The following RNF182 variants were observed in gnomAD, a reference collection of about 807,000 sequenced individuals.
The protein encoded by RNF182 is E3 ubiquitin-protein ligase RNF182.
A neutral mutation model predicts 14.4 loss-of-function variants in RNF182; 15 were observed. The observed-to-expected ratio is 1.04, with a 90% CI of 0.70 to 1.60. RNF182 has a LOEUF of 1.60. RNF182 is among the 40% of genes most tolerant of loss of function. The pLI is 0.00. For synonymous variants in RNF182, 128 were observed against 122.9 expected (o/e 1.04, Z -0.27); for missense variants, 268 against 294.8 (o/e 0.91, Z 0.67).
chr6:13,927,950 T>A lies in RNF182; in HGVS notation c.-367+2927T>A, dbSNP rs368953143. 3.3e-5 allele frequency among the ~76,000 whole-genome samples: 5 copies of A among 152,332 alleles called. No homozygotes were observed. The East Asian group carries it at 5.8e-4, about 18-fold the overall frequency. On this transcript the variant is annotated intron_variant, in intron 1 of 2. Coordinates refer to ENST00000488300, the MANE Select transcript of RNF182 (RefSeq NM_152737.4). ...GACAAAATGCTGTAAATATCAGGTA[T>A]TGTTAACTGACCTGCTGTGCACAGT... is the stretch of plus-strand genomic sequence containing the variant.
chr6:13,933,510 G>C (rs897521550), intron 1 of RNF182, among the ~76,000 whole-genome samples: 2 of 151,382 alleles, frequency 1.3e-5, no homozygotes, highest in Admixed American at 1.3e-4. Flanking sequence ...GAGTGAGACT[G>C]TGCCCCTTAA....
chr6:13,969,670 A>T (rs1374714322), intron 1 of RNF182, among the ~76,000 whole-genome samples: 4 of 152,220 alleles, frequency 2.6e-5, no homozygotes, highest in Non-Finnish European at 5.9e-5. Context: ...ATTTGAGTCT[A>T]ATAATAAGTG....
chr6:13,977,935 T>C lies in RNF182; in HGVS notation c.*72T>C. The stretch of plus-strand genomic sequence containing the variant: ...GTGAAGTTAGATAATTTATAATTTA[T>C]TTTCTTTTATGTTCTTTATGATTAG... On this transcript the variant is annotated 3_prime_UTR_variant, in exon 3 of 3. Transcript: ENST00000488300. The C allele has an allele frequency of 7.0e-7, 1 of 1,430,906 alleles. No homozygotes were observed. The allele number at this position is 1,430,906 out of a possible 1,614,324, so 88.6% of individuals were successfully genotyped here. A position where few individuals can be genotyped will look rare whatever the true frequency, so the allele number is the denominator to read the frequency against.
At chr6:13,976,168 A>G (rs959418291) in intron 2 of RNF182, among the ~76,000 whole-genome samples, 3 of 152,184 alleles carry the variant, frequency 2.0e-5, no homozygotes, top group South Asian at 4.1e-4. Flanking sequence ...ATAGCTATGC[A>G]TGTTTTATCT....
At chr6:13,950,142 A>G (rs575280268) in intron 1 of RNF182, among the ~76,000 whole-genome samples, 5 of 152,358 alleles carry the variant, frequency 3.3e-5, no homozygotes, top group African/African-American at 9.6e-5. Context: ...AATAGTCTCA[A>G]TTACATATGT....
intron 1 of RNF182, chr6:13,949,670 A>G (rs1275124284): frequency 6.8e-6 from 2 of 294,046 alleles, no homozygotes; most frequent in Non-Finnish European, 1.3e-5. Flanking sequence ...AGTATAGATC[A>G]GAAGTTTTAC....
intron 1 of RNF182, among the ~76,000 whole-genome samples, chr6:13,938,004 G>GTTTTTTTTTTTTTTTTTTTT (rs70989897): frequency 1.3e-5 from 1 of 79,598 alleles, no homozygotes; most frequent in African/African-American, 5.1e-5. Flanking sequence ...TTTTCTTACT[G>GTTTTTTTTTTTTTTTTTTTT]TTTTTTTTTT....
At chr6:13,957,170 ATCT>A (rs1759753865) in intron 1 of RNF182, among the ~76,000 whole-genome samples, 1 of 152,202 alleles carries the variant, frequency 6.6e-6, no homozygotes, top group African/African-American at 2.4e-5. Flanking sequence ...TTTCCTAGCA[ATCT>A]TCTTTTTATG....
chr6:13,933,000 G>A (rs1451057722), intron 1 of RNF182, among the ~76,000 whole-genome samples: 2 of 151,958 alleles, frequency 1.3e-5, no homozygotes, highest in Non-Finnish European at 2.9e-5. Context: ...ATTGCTGTCC[G>A]AGCATTTTTT....
intron 1 of RNF182, among the ~76,000 whole-genome samples, chr6:13,930,461 C>G (rs1758940008): frequency 6.6e-6 from 1 of 152,188 alleles, no homozygotes; most frequent in African/African-American, 2.4e-5. Context: ...TCAACCTGGG[C>G]TCACCTGCTC....
At chr6:13,932,505 A>G (rs1758998333) in intron 1 of RNF182, among the ~76,000 whole-genome samples, 1 of 152,272 alleles carries the variant, frequency 6.6e-6, no homozygotes, top group Middle Eastern at 3.4e-3. Flanking sequence ...TGTTACTTTA[A>G]TGTATTTATT....
At position 13,930,256 on chromosome 6, in the gene RNF182, A is replaced by AT. The variant is rs568039472; in HGVS notation, c.-367+5234dup. On this transcript the variant is annotated intron_variant, in intron 1 of 2. Transcript: ENST00000488300. ...GTACATGGCAGGATGTACATAGGTT[A>AT]TATGCAAATACTATGCCATGTTATA... Among the ~76,000 whole-genome samples the AT allele has an allele frequency of 1.8e-4, 28 of 152,354 alleles. No individual in the cohort carries two copies. The South Asian group carries it at 3.9e-3, about 21-fold the overall frequency.
At chr6:13,938,593 T>A (rs1759203596) in intron 1 of RNF182, among the ~76,000 whole-genome samples, 1 of 152,338 alleles carries the variant, frequency 6.6e-6, no homozygotes, top group South Asian at 2.1e-4. Context: ...CACATTTAGA[T>A]CTATAACCCC....
intron 1 of RNF182, among the ~76,000 whole-genome samples, chr6:13,970,453 A>G (rs1760147584): frequency 6.6e-6 from 1 of 152,212 alleles, no homozygotes; most frequent in South Asian, 2.1e-4. Context: ...TGTTATTGCC[A>G]AATAGTAGTT....
chr6:13,954,958 T>C (rs1759690641), intron 1 of RNF182, among the ~76,000 whole-genome samples: 1 of 152,190 alleles, frequency 6.6e-6, no homozygotes, highest in South Asian at 2.1e-4. Context: ...TCCCTCCCTT[T>C]GTTGTGTGAA....
chr6:13,972,361 G>C (rs1484223142), intron 1 of RNF182, among the ~76,000 whole-genome samples: 1 of 151,792 alleles, frequency 6.6e-6, no homozygotes, highest in African/African-American at 2.4e-5. Flanking sequence ...GCTTGACGAT[G>C]CAATAGAAAA....
At chr6:13,932,746 A>T (rs910874836) in intron 1 of RNF182, among the ~76,000 whole-genome samples, 4 of 152,240 alleles carry the variant, frequency 2.6e-5, no homozygotes, top group African/African-American at 9.6e-5. Flanking sequence ...TTGATGTCAG[A>T]TTCTTTTAAA....
intron 1 of RNF182, among the ~76,000 whole-genome samples, chr6:13,966,217 T>C (rs116164271): frequency 8.1e-4 from 123 of 152,260 alleles, no homozygotes; most frequent in African/African-American, 2.8e-3. Flanking sequence ...CATCACCTAT[T>C]TTCTGACAAA....
intron 1 of RNF182, among the ~76,000 whole-genome samples, chr6:13,935,304 C>T (rs200246296): frequency 2.0e-5 from 3 of 150,014 alleles, no homozygotes; most frequent in Admixed American, 2.0e-4. Context: ...GAAACAATGT[C>T]TTTTTTTTTT....
Sources: allele counts gnomAD v4.1 joint callset (sites outside exome capture counted in the v4.1 genomes callset), GRCh38; gene constraint gnomAD v4.1.1; transcripts MANE v1.5; gene names NCBI Gene and HGNC (gene_info 2026-07-23, HGNC 2026-07-21).